Variants in ATXN7L1 observed in about 807,000 individuals in gnomAD.
ATXN7L1 encodes the protein ataxin 7 like 1.
A neutral mutation model predicts 70.8 loss-of-function variants in ATXN7L1; 15 were observed. The observed-to-expected ratio is 0.21, with a 90% CI of 0.14 to 0.33. The LOEUF is 0.33. ATXN7L1 is among the 10% of genes least tolerant of loss of function. ATXN7L1 has a pLI of 1.00. For missense variants in ATXN7L1, 975 were observed against 1,097.1 expected, an observed-to-expected ratio of 0.89 and a Z score of 1.57; for synonymous variants, 440 against 445.1, an observed-to-expected ratio of 0.99 and a Z score of 0.14.
intron 3 of ATXN7L1, among the ~76,000 whole-genome samples, chr7:105,685,171 C>A (rs958011588): frequency 1.3e-5 from 2 of 152,052 alleles, no homozygotes; most frequent in African/African-American, 4.8e-5. Flanking sequence ...ATAGAAGGAG[C>A]ACTGACATCC....
At chr7:105,669,919 CAAAAAAAAAA>C (rs756313448) in intron 3 of ATXN7L1, among the ~76,000 whole-genome samples, 1 of 71,280 alleles carries the variant, frequency 1.4e-5, no homozygotes, top group Non-Finnish European at 2.9e-5. Flanking sequence ...AACTCCATCT[CAAAAAAAAAA>C]AAAAAAAAAA....
At chr7:105,778,344 CA>C (rs10639727) in intron 3 of ATXN7L1, among the ~76,000 whole-genome samples, 8,024 of 104,596 alleles carry the variant, frequency 0.077, 482 homozygotes, top group East Asian at 0.3. Context: ...CGCATCTCTA[CA>C]AAAAAAAAAA....
chr7:105,875,957 A>T, intron 1 of ATXN7L1, 77 bp from the exon 2 acceptor site: 5 of 1,272,268 alleles, frequency 3.9e-6, no homozygotes, highest in Non-Finnish European at 5.7e-6. Context: ...GGGGGGAGGG[A>T]GAGTGTTTAT....
intron 4 of ATXN7L1, among the ~76,000 whole-genome samples, chr7:105,660,727 T>C (rs11772212): frequency 0.043 from 6,494 of 151,772 alleles, 170 homozygotes; most frequent in East Asian, 0.066. Context: ...GGATTACAGG[T>C]GCGCACCACC....
chr7:105,619,495 C>CATGCATATAT (rs1554388657), intron 9 of ATXN7L1, among the ~76,000 whole-genome samples: 1 of 27,650 alleles, frequency 3.6e-5, no homozygotes, highest in African/African-American at 1.5e-4. Context: ...CAAACAGAAG[C>CATGCATATAT]ATATATATAT....
intron 3 of ATXN7L1, among the ~76,000 whole-genome samples, chr7:105,667,495 C>T (rs987356977): frequency 1.0e-5 from 1 of 98,874 alleles, no homozygotes; most frequent in African/African-American, 3.0e-5. Flanking sequence ...GTCAGGAGAT[C>T]GAGACCATCC....
intron 7 of ATXN7L1, among the ~76,000 whole-genome samples, chr7:105,627,029 G>C (rs896341880): frequency 7.9e-5 from 12 of 152,150 alleles, no homozygotes; most frequent in African/African-American, 2.9e-4. Flanking sequence ...GTAATCCATA[G>C]TATGAATATA....
chr7:105,623,989 G>T, intron 8 of ATXN7L1, 86 bp downstream of exon 8: 1 of 1,227,000 alleles, frequency 8.1e-7, no homozygotes, highest in Non-Finnish European at 1.0e-6. Flanking sequence ...CCTTGCCTTA[G>T]GAAGGATCAT....
chr7:105,747,472 G>T (rs1467057735), intron 3 of ATXN7L1, among the ~76,000 whole-genome samples: 4 of 152,176 alleles, frequency 2.6e-5, no homozygotes, highest in Non-Finnish European at 5.9e-5. Flanking sequence ...CTTGCCTTAT[G>T]TATCTCTTTA....
intron 10 of ATXN7L1, among the ~76,000 whole-genome samples, chr7:105,612,286 G>A (rs1458959387): frequency 6.6e-6 from 1 of 152,194 alleles, no homozygotes; most frequent in African/African-American, 2.4e-5. Flanking sequence ...GAGAGTAACA[G>A]CAAGTAATTA....
At chr7:105,721,341 A>G (rs1046256752) in intron 3 of ATXN7L1, among the ~76,000 whole-genome samples, 2 of 152,196 alleles carry the variant, frequency 1.3e-5, no homozygotes, top group African/African-American at 4.8e-5. Flanking sequence ...GCCTGACTCA[A>G]AAAATAAAGG....
intron 3 of ATXN7L1, among the ~76,000 whole-genome samples, chr7:105,674,798 C>A (rs1396860651): frequency 6.6e-6 from 1 of 152,188 alleles, no homozygotes; most frequent in African/African-American, 2.4e-5. Context: ...TACTAAGGTG[C>A]AAATTTCTGG....
intron 3 of ATXN7L1, among the ~76,000 whole-genome samples, chr7:105,742,399 A>G (rs1384400328): frequency 6.6e-6 from 1 of 152,336 alleles, no homozygotes; most frequent in East Asian, 1.9e-4. Flanking sequence ...CTCAAGCTTA[A>G]CATATGTGAG....
At chr7:105,782,701 G>A (rs527658510) in intron 3 of ATXN7L1, among the ~76,000 whole-genome samples, 10 of 152,216 alleles carry the variant, frequency 6.6e-5, no homozygotes, top group African/African-American at 4.8e-5. Flanking sequence ...GGAGCTTCAC[G>A]GCATTTCTAA....
chr7:105,784,529 C>T (rs914748413), intron 3 of ATXN7L1, among the ~76,000 whole-genome samples: 2 of 151,912 alleles, frequency 1.3e-5, no homozygotes, highest in Non-Finnish European at 2.9e-5. Context: ...ATGGGAGAAG[C>T]GGGAGGTGGC....
intron 2 of ATXN7L1, among the ~76,000 whole-genome samples, chr7:105,838,132 GT>G (rs1166955226): frequency 6.6e-6 from 1 of 152,184 alleles, no homozygotes; most frequent in Non-Finnish European, 1.5e-5. Flanking sequence ...ATGGCTCAGT[GT>G]TCTAACATAA....
intron 2 of ATXN7L1, among the ~76,000 whole-genome samples, chr7:105,874,016 G>A (rs1227482003): frequency 6.6e-6 from 1 of 151,452 alleles, no homozygotes; most frequent in Non-Finnish European, 1.5e-5. Flanking sequence ...TTCCAGCTAT[G>A]CAGGAGGCTG....
intron 7 of ATXN7L1, among the ~76,000 whole-genome samples, chr7:105,629,655 A>G (rs1262859975): frequency 3.3e-5 from 5 of 150,694 alleles, no homozygotes; most frequent in African/African-American, 1.2e-4. Flanking sequence ...AGCTGGGACT[A>G]CAGGCACCTG....
At chr7:105,783,401 G>A (rs1465158563) in intron 3 of ATXN7L1, among the ~76,000 whole-genome samples, 1 of 152,146 alleles carries the variant, frequency 6.6e-6, no homozygotes, top group Non-Finnish European at 1.5e-5. Flanking sequence ...GAGCTTCTCA[G>A]ACCCTTGGGA....
Sources: gnomAD v4.1 joint callset for allele counts (sites outside exome capture counted in the v4.1 genomes callset) on GRCh38, gnomAD v4.1.1 for gene constraint, MANE v1.5 for transcripts, NCBI Gene and HGNC (gene_info 2026-07-23, HGNC 2026-07-21) for gene names.